EPG5: variants seen among roughly 807,000 people sequenced by gnomAD.
EPG5 encodes ectopic P-granules 5 autophagy tethering factor.
EPG5 carries 159 observed loss-of-function variants against 302.7 expected under a neutral mutation model. The ratio of observed to expected loss-of-function variants is 0.53; its 90% CI spans 0.46 to 0.60. The LOEUF is 0.60. EPG5 is among the 20% of genes least tolerant of loss of function. The pLI is 0.00. For missense variants in EPG5, 2,896 were observed against 3,092.4 expected (o/e 0.94, Z 1.51); for synonymous variants, 1,158 against 1,136.8 (o/e 1.02, Z -0.37).
At chr18:45,929,225 T>A (rs1029831819) in intron 12 of EPG5, among the ~76,000 whole-genome samples, 1 of 152,220 alleles carries the variant, frequency 6.6e-6, no homozygotes, top group Admixed American at 6.5e-5. Flanking sequence ...CAACTTCTTA[T>A]AACAATGACT....
chr18:45,825,677 T>C, the EPG5 span: 1 of 1,596,426 alleles, frequency 6.3e-7, no homozygotes, highest in Admixed American at 1.7e-5. Context: ...GGGCCCTCAC[T>C]GGGGAGGTGG....
chr18:45,962,159 A>C (rs2051163389), intron 1 of EPG5, among the ~76,000 whole-genome samples: 1 of 152,180 alleles, frequency 6.6e-6, no homozygotes, highest in Admixed American at 6.5e-5. Context: ...AATGGCTTTT[A>C]GGAGGCACGA....
the EPG5 span, among the ~76,000 whole-genome samples, chr18:45,812,023 G>A: frequency 1.5e-3 from 227 of 152,242 alleles, no homozygotes; most frequent in African/African-American, 4.8e-3. Flanking sequence ...AAACCCCATC[G>A]TCTCAGCCCA....
Position 45,917,713 on chromosome 18 carries a change from A to G in EPG5, c.3205T>C (p.Tyr1069His). ...TTCAGAAGGTAATACTGGCAAGGGT[A>G]AAATAAAGGCAGAATCTTATCCAGG... ...HVLDKILPLF[Y>H]PCQYYLLKNE... The change falls in exon 17 of 44, where the codon TAC (tyrosine) becomes CAC (histidine). Residue 1069 changes from tyrosine to histidine, a missense_variant. Physicochemically the swap from Tyr to His is moderately conservative, Grantham distance 83 (BLOSUM62 2). This residue lies in a region of EPG5 where 1,390 missense variants were observed against 1,430.0 expected (regional missense o/e 0.97). Transcript: ENST00000282041. The G allele has an allele frequency of 6.2e-7, 1 of 1,614,192 alleles. No homozygotes were observed. The highest frequency in any genetic ancestry group is 8.5e-7 in the Non-Finnish European group (1 of 1,180,004).
At chr18:45,922,058 G>A (rs1052816045) in intron 16 of EPG5, among the ~76,000 whole-genome samples, 1 of 150,946 alleles carries the variant, frequency 6.6e-6, no homozygotes, top group Non-Finnish European at 1.5e-5. Context: ...TCACAATTCT[G>A]AGGAAGACAG....
the EPG5 span, chr18:45,825,510 C>A: frequency 1.7e-6 from 1 of 572,736 alleles, no homozygotes. Flanking sequence ...TCTTGGTTTT[C>A]CACATGACTA....
intron 1 of EPG5, among the ~76,000 whole-genome samples, chr18:45,958,265 C>G (rs2051074281): frequency 6.6e-6 from 1 of 152,192 alleles, no homozygotes; most frequent in Non-Finnish European, 1.5e-5. Flanking sequence ...AATGGACCTA[C>G]AAACTCTACA....
At chr18:45,835,084 A>G in the EPG5 span, among the ~76,000 whole-genome samples, 168 of 152,326 alleles carry the variant, frequency 1.1e-3, no homozygotes, top group African/African-American at 4.0e-3. Context: ...TCCAGAAAAA[A>G]AAAAGGAGAT....
intron 35 of EPG5, among the ~76,000 whole-genome samples, chr18:45,873,949 T>C (rs1002906768): frequency 6.6e-6 from 1 of 152,152 alleles, no homozygotes; most frequent in Non-Finnish European, 1.5e-5. Flanking sequence ...ATTCCAACCA[T>C]AGGACATTCT....
At chr18:45,888,781 A>G (rs142258333) in intron 28 of EPG5, among the ~76,000 whole-genome samples, 334 of 152,272 alleles carry the variant, frequency 2.2e-3, no homozygotes, top group African/African-American at 7.6e-3. Context: ...CTCCTAGGGG[A>G]AAAAAATCAG....
intron 14 of EPG5, among the ~76,000 whole-genome samples, chr18:45,924,524 G>A (rs1277844893): frequency 1.3e-5 from 2 of 152,232 alleles, no homozygotes; most frequent in Admixed American, 6.5e-5. Flanking sequence ...TCAGACAGGT[G>A]TAAAGGGCTG....
chr18:45,920,708 T>C lies in EPG5; in HGVS notation c.3098+1633A>G, dbSNP rs574132710. On this transcript the variant is annotated intron_variant, in intron 16 of 43. Transcript: ENST00000282041. ...TCATTCATTACTGAGAGGATGGCACTAAGACATTCATGAGGGATCAGCCCA... is the reference window on the plus strand; with the variant it reads ...TCATTCATTACTGAGAGGATGGCACCAAGACATTCATGAGGGATCAGCCCA... 2.0e-5 allele frequency among the ~76,000 whole-genome samples: 3 copies of C among 152,268 alleles called. No homozygotes were observed. The South Asian group carries it at 6.2e-4, about 32-fold the overall frequency.
chr18:45,804,147 C>T, the EPG5 span, among the ~76,000 whole-genome samples: 1 of 152,082 alleles, frequency 6.6e-6, no homozygotes, highest in Non-Finnish European at 1.5e-5. Flanking sequence ...CTAAAAAATA[C>T]AGTATCTAAT....
In EPG5 at chr18:45,878,997, A is replaced by C. The variant is rs1315358261; in HGVS notation, c.5869+16T>G. On this transcript the variant is annotated intron_variant, in intron 33 of 43. Coordinates refer to ENST00000282041, the MANE Select transcript of EPG5 (RefSeq NM_020964.3). ...GTCCAAACACCTAGCTCCACATCGC[A>C]TGAGAAGTATATTACCTGTTTTCCT... 6.2e-7 allele frequency: 1 copy of C among 1,610,076 alleles called. No individual in the cohort carries two copies. The highest frequency in any genetic ancestry group is 1.7e-4 in the Middle Eastern group (1 of 6,054).
At chr18:45,834,753 T>C in the EPG5 span, among the ~76,000 whole-genome samples, 3 of 152,328 alleles carry the variant, frequency 2.0e-5, no homozygotes, top group Admixed American at 2.0e-4. Context: ...AATACATGTT[T>C]GCTGAATTGA....
intron 36 of EPG5, among the ~76,000 whole-genome samples, chr18:45,868,899 T>C (rs936854502): frequency 2.4e-4 from 37 of 151,166 alleles, no homozygotes; most frequent in African/African-American, 8.7e-4. Flanking sequence ...ACTAAAAATA[T>C]AAAAAATTAG....
chr18:45,867,065 T>A, intron 37 of EPG5, 58 bp from the exon 38 acceptor site: 1 of 1,227,154 alleles, frequency 8.1e-7, no homozygotes, highest in Non-Finnish European at 1.2e-6. Context: ...CAGAAATATG[T>A]GTTGCTAACT....
chr18:45,910,772 C>G (rs774116234), intron 22 of EPG5, 30 bp from the exon 23 acceptor site: 5 of 1,556,000 alleles, frequency 3.2e-6, no homozygotes, highest in Non-Finnish European at 4.4e-6. Flanking sequence ...GATCTATAAC[C>G]TTTCAACACA....
At chr18:45,835,602 G>A in the EPG5 span, among the ~76,000 whole-genome samples, 1 of 152,210 alleles carries the variant, frequency 6.6e-6, no homozygotes, top group Non-Finnish European at 1.5e-5. Context: ...GTGTGATACT[G>A]TACTTCATAC....
Sources: allele counts gnomAD v4.1 joint callset (sites outside exome capture counted in the v4.1 genomes callset), GRCh38; gene constraint gnomAD v4.1.1; regional missense constraint gnomAD v4.1.1; transcripts MANE v1.5; gene names NCBI Gene and HGNC (gene_info 2026-07-23, HGNC 2026-07-21).